ANXA2: variants seen among roughly 807,000 people sequenced by gnomAD.
ANXA2 encodes the protein annexin II.
ANXA2 carries 28 observed loss-of-function variants against 47.3 expected under a neutral mutation model. The observed-to-expected ratio is 0.59, with a 90% CI of 0.44 to 0.81. The LOEUF (loss-of-function observed/expected upper bound fraction) is 0.81. Among genes scored for constraint, ANXA2 ranks in the 40% least tolerant of loss-of-function variants. The probability of loss-of-function intolerance (pLI) is 0.00; values close to 1 mark genes in which losing one functional copy is unlikely to be tolerated. For synonymous variants in ANXA2, 172 were observed against 155.5 expected (o/e 1.11, Z -0.79); for missense variants, 384 against 414.3 (o/e 0.93, Z 0.64).
intron 3 of ANXA2, among the ~76,000 whole-genome samples, chr15:60,367,686 T>A (rs1234432413): frequency 1.9e-5 from 1 of 52,222 alleles, no homozygotes; most frequent in Non-Finnish European, 3.7e-5. Context: ...TCCGGGAGGG[T>A]GGTGGGGGGT....
intron 3 of ANXA2, among the ~76,000 whole-genome samples, chr15:60,377,306 T>C (rs527636743): frequency 3.5e-4 from 54 of 152,356 alleles, no homozygotes; most frequent in Non-Finnish European, 2.6e-4. Flanking sequence ...TTCCAACTAA[T>C]GACTTCATTT....
In ANXA2 at chr15:60,351,215, T is replaced by C. The variant is rs1352983575; in HGVS notation, c.815A>G (p.Asp272Gly). 6.2e-7 allele frequency: 1 copy of C among 1,614,170 alleles called. No individual in the cohort carries two copies. The highest frequency in any genetic ancestry group is 8.5e-7 in the Non-Finnish European group (1 of 1,180,024). The change falls in exon 11 of 13, where the codon GAT becomes GGT. Residue 272 changes from aspartate to glycine, a missense_variant. Physicochemically the swap from Asp to Gly is moderately conservative, Grantham distance 94. Coordinates refer to ENST00000451270, the MANE Select transcript of ANXA2 (RefSeq NM_004039.3). ...CIQNKPLYFADRLYDSMKGKG... is the reference protein window; with the variant it reads ...CIQNKPLYFAGRLYDSMKGKG... ...TACCTTCATGGAGTCATACAGCCGA[T>C]CAGCAAAATACAGGGGCTTGTTCTG...
intron 3 of ANXA2, among the ~76,000 whole-genome samples, chr15:60,367,237 C>A (rs2062634315): frequency 8.1e-6 from 1 of 123,734 alleles, no homozygotes; most frequent in African/African-American, 3.1e-5. Flanking sequence ...AGCCCCCCGC[C>A]CGGCCAGCCG....
chr15:60,395,032 C>T (rs1192856618), intron 1 of ANXA2, among the ~76,000 whole-genome samples: 1 of 152,068 alleles, frequency 6.6e-6, no homozygotes, highest in Non-Finnish European at 1.5e-5. Context: ...TTAATTCTCA[C>T]AATTGAATCT....
At chr15:60,366,339 G>A (rs1344168720) in intron 3 of ANXA2, among the ~76,000 whole-genome samples, 7 of 146,600 alleles carry the variant, frequency 4.8e-5, no homozygotes, top group African/African-American at 1.8e-4. Flanking sequence ...CCTCTGCCTG[G>A]CTGCCCAGTC....
At chr15:60,369,460 T>G (rs2062683967) in intron 3 of ANXA2, among the ~76,000 whole-genome samples, 1 of 152,184 alleles carries the variant, frequency 6.6e-6, no homozygotes, top group Admixed American at 6.5e-5. Flanking sequence ...TAACCTCAAT[T>G]CTAATACTTC....
chr15:60,395,678 A>C (rs1279776838), intron 1 of ANXA2: 1 of 152,246 alleles, frequency 6.6e-6, no homozygotes, highest in Non-Finnish European at 1.5e-5. Context: ...AATAGCTCAA[A>C]GACACAAGAT....
intron 3 of ANXA2, among the ~76,000 whole-genome samples, chr15:60,375,582 C>T (rs1226075323): frequency 6.6e-6 from 1 of 152,170 alleles, no homozygotes; most frequent in Non-Finnish European, 1.5e-5. Context: ...TCTCAGCAAC[C>T]TCTTGTTAAT....
rs534186041 is a variant in ANXA2 at position 60,359,345 on chromosome 15, C to T, written c.357+1596G>A. Among the ~76,000 whole-genome samples the T allele has an allele frequency of 5.3e-5, 8 of 152,196 alleles. No homozygotes were observed. In the East Asian group the frequency reaches 1.3e-3, roughly 26 times the overall value. ...AGATTCTTGATGAAAATAAGACAAA[C>T]TGATCTGAAGTGTTGATGGTCAGAA... On this transcript the variant is annotated intron_variant, in intron 5 of 12. Transcript: ENST00000451270.
At chr15:60,373,175 C>T (rs1396122036) in intron 3 of ANXA2, among the ~76,000 whole-genome samples, 1 of 152,210 alleles carries the variant, frequency 6.6e-6, no homozygotes, top group Non-Finnish European at 1.5e-5. Context: ...AATGTGTCAA[C>T]ACGTGTAGAG....
chr15:60,389,601 A>T (rs570019100), intron 1 of ANXA2, among the ~76,000 whole-genome samples: 7 of 152,338 alleles, frequency 4.6e-5, no homozygotes, highest in Non-Finnish European at 8.8e-5. Flanking sequence ...TTCACCATTC[A>T]TAACTGTGCT....
chr15:60,373,772 G>A (rs1454343631), intron 3 of ANXA2, among the ~76,000 whole-genome samples: 2 of 152,192 alleles, frequency 1.3e-5, no homozygotes, highest in African/African-American at 2.4e-5. Flanking sequence ...ATGCAGAAAA[G>A]ACTGGCTGAG....
intron 3 of ANXA2, among the ~76,000 whole-genome samples, chr15:60,367,118 T>TG (rs1371022707): frequency 1.0e-4 from 3 of 29,508 alleles, no homozygotes; most frequent in Admixed American, 3.5e-4. Context: ...GGGAGGGAGG[T>TG]GGGGGGGTCA....
chr15:60,358,482 C>T (rs1164983705), intron 5 of ANXA2, among the ~76,000 whole-genome samples: 1 of 152,154 alleles, frequency 6.6e-6, no homozygotes, highest in Non-Finnish European at 1.5e-5. Flanking sequence ...GAAACTTACC[C>T]ACATGAAAAG....
intron 3 of ANXA2, among the ~76,000 whole-genome samples, chr15:60,371,227 G>A (rs1595687788): frequency 6.6e-6 from 1 of 152,328 alleles, no homozygotes; most frequent in East Asian, 1.9e-4. Flanking sequence ...GGCACCCCCA[G>A]AGGTCAGTCA....
chr15:60,389,797 G>A (rs1269960713), intron 1 of ANXA2, among the ~76,000 whole-genome samples: 1 of 152,066 alleles, frequency 6.6e-6, no homozygotes, highest in Non-Finnish European at 1.5e-5. Flanking sequence ...GTTGACTAGG[G>A]CCAAAATGTG....
In ANXA2 at chr15:60,349,126, A is replaced by G; in HGVS notation, c.909T>C (p.Ile303=). ...CGTACTTTCTCTTGAATTCAGACCT[A>G]ATTTTCAACATGTCCACTTCACTGC... ...VSRSEVDMLK[I]RSEFKRKYGK... Residue 303 remains isoleucine, a synonymous_variant, in exon 12 of 13, where the codon ATT becomes ATC. Coordinates refer to ENST00000451270, the MANE Select transcript of ANXA2 (RefSeq NM_004039.3). 6.2e-7 allele frequency: 1 copy of G among 1,613,946 alleles called. No individual in the cohort carries two copies. Among genetic ancestry groups the G allele is most frequent in the Non-Finnish European group, 8.5e-7 (1 of 1,179,938 alleles).
chr15:60,382,106 GAA>G (rs1208150425), intron 3 of ANXA2, among the ~76,000 whole-genome samples: 1 of 150,922 alleles, frequency 6.6e-6, no homozygotes, highest in East Asian at 1.9e-4. Flanking sequence ...GGGAGAAAGA[GAA>G]AGAGGGAGAG....
intron 7 of ANXA2, 82 bp from the exon 8 acceptor site, chr15:60,354,295 C>T (rs770184340): frequency 2.5e-5 from 28 of 1,116,968 alleles, no homozygotes; most frequent in South Asian, 1.2e-4. Context: ...AGTCCATGTA[C>T]GCCATTATTT....
Sources: allele counts gnomAD v4.1 joint callset (sites outside exome capture counted in the v4.1 genomes callset), GRCh38; gene constraint gnomAD v4.1.1; transcripts MANE v1.5; gene names NCBI Gene and HGNC (gene_info 2026-07-23, HGNC 2026-07-21).